Variants in TNRC6B observed in about 807,000 individuals in gnomAD.
TNRC6B encodes trinucleotide repeat-containing gene 6B protein.
A neutral mutation model predicts 203.6 loss-of-function variants in TNRC6B; 52 were observed. The observed-to-expected ratio is 0.26, with a 90% CI of 0.20 to 0.32. TNRC6B has a LOEUF of 0.32. Ranked by LOEUF, TNRC6B falls within the 10% of genes least tolerant of loss-of-function variation. The pLI is 1.00. For synonymous variants in TNRC6B, 838 were observed against 845.7 expected (o/e 0.99, Z 0.16); for missense variants, 1,923 against 2,286.2 (o/e 0.84, Z 3.24).
chr22:40,176,251 C>T (rs1365852201), upstream of TNRC6B, among the ~76,000 whole-genome samples: 1 of 151,812 alleles, frequency 6.6e-6, no homozygotes, highest in African/African-American at 2.4e-5. Flanking sequence ...AGCTCAGCCT[C>T]CCTAGTAGCT....
chr22:40,266,596 C>G lies in TNRC6B; in HGVS notation c.2366C>G (p.Ala789Gly). The stretch of plus-strand genomic sequence containing the variant: ...GGGACTTGGGGTAATGGTGGCAATG[C>G]AAGCCTAGCTTCAAAAGGTGGGTGG... The part of the protein sequence containing the change: ...EIGTWGNGGN[A>G]SLASKGGWED... The change falls in exon 5 of 23, where the codon GCA becomes GGA. Residue 789 changes from alanine to glycine, a missense_variant. Physicochemically the swap from Ala to Gly is moderately conservative, Grantham distance 60. Coordinates refer to ENST00000454349, the MANE Select transcript of TNRC6B (RefSeq NM_001162501.2). 1.9e-6 allele frequency: 3 copies of G among 1,612,318 alleles called. No homozygotes were observed. Among genetic ancestry groups the G allele is most frequent in the Non-Finnish European group, 2.5e-6 (3 of 1,178,936 alleles).
In TNRC6B at chr22:40,223,210, G is replaced by A. The variant is rs139380196; in HGVS notation, c.6-22805G>A. ...GGCTGGAGTGCAATGGCGCAATCTC[G>A]ACTCACCGCAAACTCTGCCTCCTGT... On this transcript the variant is annotated intron_variant, in intron 1 of 22. Coordinates refer to ENST00000454349, the MANE Select transcript of TNRC6B (RefSeq NM_001162501.2). Among the ~76,000 whole-genome samples, 812 of 151,516 alleles carry A rather than the reference G, an allele frequency of 5.4e-3. 10 individuals carry two copies. The highest frequency in any genetic ancestry group is 0.018 in the African/African-American group (739 of 41,246).
At chr22:40,120,193 A>G (rs1162823021) in intron 2 of TNRC6B, among the ~76,000 whole-genome samples, 1 of 152,060 alleles carries the variant, frequency 6.6e-6, no homozygotes, top group Admixed American at 6.6e-5. Context: ...TCCCAACTCT[A>G]CCATAAATAC....
intron 3 of TNRC6B, among the ~76,000 whole-genome samples, chr22:40,133,085 G>A (rs1371153745): frequency 6.7e-6 from 1 of 148,940 alleles, no homozygotes; most frequent in Non-Finnish European, 1.5e-5. Context: ...TGGCATTTAT[G>A]TGCTTATATT....
intron 1 of TNRC6B, among the ~76,000 whole-genome samples, chr22:40,084,984 G>A (rs1053410059): frequency 3.3e-5 from 5 of 152,232 alleles, no homozygotes; most frequent in South Asian, 2.1e-4. Context: ...CTGGAATATC[G>A]TGGCAAGGAT....
intron 12 of TNRC6B, among the ~76,000 whole-genome samples, chr22:40,287,529 C>T (rs1002190334): frequency 2.0e-5 from 3 of 152,164 alleles, no homozygotes; most frequent in Non-Finnish European, 1.5e-5. Context: ...CCCTTGGCAC[C>T]TCTCCTCTTC....
chr22:40,114,381 T>A (rs1406726899), intron 1 of TNRC6B, among the ~76,000 whole-genome samples: 1 of 152,140 alleles, frequency 6.6e-6, no homozygotes, highest in Non-Finnish European at 1.5e-5. Context: ...AGTGCAGTGG[T>A]GTAATCATGG....
chr22:40,185,241 G>T (rs553656751), intron 1 of TNRC6B, among the ~76,000 whole-genome samples: 1 of 151,956 alleles, frequency 6.6e-6, no homozygotes, highest in Non-Finnish European at 1.5e-5. Context: ...CACCCACCTC[G>T]GCCTCCCAAA....
intron 1 of TNRC6B, among the ~76,000 whole-genome samples, chr22:40,216,456 G>T (rs905469109): frequency 1.3e-5 from 2 of 152,034 alleles, no homozygotes; most frequent in Non-Finnish European, 2.9e-5. Flanking sequence ...ATATATGCTC[G>T]ATAAATATTT....
At chr22:40,197,633 T>C (rs530980901) in intron 1 of TNRC6B, among the ~76,000 whole-genome samples, 6 of 150,426 alleles carry the variant, frequency 4.0e-5, no homozygotes, top group Admixed American at 2.0e-4. Flanking sequence ...AGACAAGTCT[T>C]GTTCTGTTGC....
chr22:40,213,892 TGA>T lies in TNRC6B; in HGVS notation c.6-32118_6-32117del, dbSNP rs541880875. On this transcript the variant is annotated intron_variant, in intron 1 of 22. Coordinates refer to ENST00000454349, the MANE Select transcript of TNRC6B (RefSeq NM_001162501.2). The stretch of plus-strand genomic sequence containing the variant: ...GAACTCGGGTTCATATGACAAATAA[TGA>T]GAGAATAATATGTAAGCTCTCTTCC... 1.3e-3 allele frequency among the ~76,000 whole-genome samples: 194 copies of T among 152,262 alleles called. 2 individuals carry two copies. The highest frequency in any genetic ancestry group is 4.6e-3 in the African/African-American group (190 of 41,536).
In TNRC6B at chr22:40,058,489, G is replaced by A. The variant is rs145715751; in HGVS notation, c.-121+13491G>A. Among the ~76,000 whole-genome samples the A allele has an allele frequency of 7.9e-5, 12 of 152,364 alleles. No homozygotes were observed. The East Asian group carries it at 1.7e-3, about 22-fold the overall frequency. On this transcript the variant is annotated intron_variant, in intron 1 of 23. Transcript: ENST00000301923. ...GCCTGCGCTTCCTGAACTGGCCAGA[G>A]CCGGGACTCAACCGATGCAGCACGT...
At chr22:40,156,734 G>A (rs1004338902) in intron 4 of TNRC6B, among the ~76,000 whole-genome samples, 26 of 147,840 alleles carry the variant, frequency 1.8e-4, no homozygotes, top group African/African-American at 6.0e-4. Flanking sequence ...AACTCCTTAA[G>A]GGGTAATTGG....
At chr22:40,314,499 A>T (rs1343361316) in intron 19 of TNRC6B, among the ~76,000 whole-genome samples, 1 of 152,246 alleles carries the variant, frequency 6.6e-6, no homozygotes, top group Admixed American at 6.5e-5. Context: ...TTGGGGGGGA[A>T]CATATTCCAT....
At chr22:40,301,112 G>GC in intron 14 of TNRC6B, 38 bp from the exon 15 acceptor site, 2 of 1,553,598 alleles carry the variant, frequency 1.3e-6, no homozygotes, top group Non-Finnish European at 1.7e-6. Context: ...GAAGTTCGGG[G>GC]CCGTGCTTAT....
At chr22:40,200,275 A>ATTTTTTT (rs1375838143) in intron 1 of TNRC6B, among the ~76,000 whole-genome samples, 1 of 73,232 alleles carries the variant, frequency 1.4e-5, no homozygotes, top group Non-Finnish European at 2.6e-5. Flanking sequence ...AAAAAGTAAT[A>ATTTTTTT]TTCTTTTTTT....
intron 3 of TNRC6B, among the ~76,000 whole-genome samples, chr22:40,258,071 C>CTTTTTT (rs56078653): frequency 7.0e-5 from 2 of 28,698 alleles, no homozygotes; most frequent in African/African-American, 1.4e-4. Flanking sequence ...GATACACAGC[C>CTTTTTT]TTTTTTTTTT....
intron 1 of TNRC6B, among the ~76,000 whole-genome samples, chr22:40,196,118 A>G (rs1371600777): frequency 1.3e-5 from 2 of 151,422 alleles, no homozygotes; most frequent in Non-Finnish European, 2.9e-5. Flanking sequence ...GTTGGCCCAT[A>G]GTGCATCATA....
intron 1 of TNRC6B, among the ~76,000 whole-genome samples, chr22:40,221,761 C>CCCTTTT (rs11407329): frequency 7.4e-6 from 1 of 134,276 alleles, no homozygotes; most frequent in South Asian, 2.5e-4. Context: ...GCCCCCCCCC[C>CCCTTTT]TTTTTTTTTT....
Sources: allele counts gnomAD v4.1 joint callset (sites outside exome capture counted in the v4.1 genomes callset), GRCh38; gene constraint gnomAD v4.1.1; transcripts MANE v1.5; gene names NCBI Gene and HGNC (gene_info 2026-07-23, HGNC 2026-07-21).